PPFIA1: variants seen among roughly 807,000 people sequenced by gnomAD.
The protein encoded by PPFIA1 is PPFI scaffold protein A1.
Under a neutral mutation model 149.9 loss-of-function variants are expected in PPFIA1, and 25 were observed. That is an observed-to-expected ratio of 0.17 (90% CI 0.12 to 0.23). The LOEUF (loss-of-function observed/expected upper bound fraction) is 0.23, where lower values mean the gene tolerates loss of function less well. PPFIA1 is among the 10% of genes least tolerant of loss of function. PPFIA1 has a pLI of 1.00. For missense variants in PPFIA1, 1,362 were observed against 1,506.5 expected (o/e 0.90, Z 1.59); for synonymous variants, 549 against 552.8 (o/e 0.99, Z 0.10).
intron 18 of PPFIA1, 34 bp from the exon 19 acceptor site, chr11:70,356,127 A>AT (rs1461143192): frequency 6.6e-7 from 1 of 1,519,948 alleles, no homozygotes; most frequent in East Asian, 2.3e-5. Context: ...TGTCATGCTG[A>AT]TTTTTACTTC....
chr11:70,312,344 C>G (rs1260112757), intron 2 of PPFIA1, among the ~76,000 whole-genome samples: 1 of 151,906 alleles, frequency 6.6e-6, no homozygotes, highest in Non-Finnish European at 1.5e-5. Flanking sequence ...GTGCGCACCA[C>G]CACACCTGGA....
intron 2 of PPFIA1, among the ~76,000 whole-genome samples, chr11:70,294,491 C>T (rs532757366): frequency 4.6e-5 from 7 of 150,878 alleles, no homozygotes; most frequent in South Asian, 2.1e-4. Flanking sequence ...TTGAGTGTAA[C>T]GAGGCTTTGT....
intron 23 of PPFIA1, chr11:70,374,013 C>CT (rs1168016704): frequency 3.9e-5 from 6 of 152,182 alleles, no homozygotes; most frequent in African/African-American, 1.4e-4. Flanking sequence ...TGGTGATCAT[C>CT]TGCATATATT....
chr11:70,355,634 C>T lies in PPFIA1; in HGVS notation c.2316-5C>T, dbSNP rs200944487. On this transcript the variant is annotated splice_region_variant and splice_polypyrimidine_tract_variant and intron_variant, in intron 17 of 27. Coordinates refer to ENST00000253925, the MANE Select transcript of PPFIA1 (RefSeq NM_003626.5). ...ATAGTAAAGATCCGTTTTCTTTCCT[C>T]GAAGCTCCACAGGCTCCCAGGATGG... is the stretch of plus-strand genomic sequence containing the variant. 6.9e-6 allele frequency: 11 copies of T among 1,590,694 alleles called. No homozygotes were observed. The highest frequency in any genetic ancestry group is 1.1e-5 in the South Asian group (1 of 87,626).
chr11:70,356,277 A>G (rs2056358412), intron 19 of PPFIA1, 23 bp downstream of exon 19: 1 of 1,572,850 alleles, frequency 6.4e-7, no homozygotes, highest in African/African-American at 1.4e-5. Flanking sequence ...TTATTTCTTC[A>G]TCTCATTGAA....
intron 19 of PPFIA1, among the ~76,000 whole-genome samples, chr11:70,359,127 C>A (rs574217693): frequency 3.9e-5 from 6 of 152,298 alleles, no homozygotes; most frequent in African/African-American, 1.4e-4. Context: ...AAGGCCCTTG[C>A]ACCGTTGCCC....
chr11:70,362,446 C>T lies in PPFIA1; in HGVS notation c.2823C>T (p.Ile941=). 8.1e-6 allele frequency: 13 copies of T among 1,614,176 alleles called. No homozygotes were observed. Among genetic ancestry groups the T allele is most frequent in the Non-Finnish European group, 1.0e-5 (12 of 1,180,030 alleles). Residue 941 remains isoleucine (I), a synonymous_variant, in exon 21 of 28, where the codon ATC becomes ATT. Coordinates refer to ENST00000253925, the MANE Select transcript of PPFIA1 (RefSeq NM_003626.5). The part of the protein sequence containing the change: ...RLKLRLAIQE[I]MSLTSPSAPP... ...AGCTGAGGCTGGCCATCCAGGAGAT[C>T]ATGTCGCTGACCAGCCCGTCTGCCC...
At chr11:70,322,618 T>C (rs544639221) in intron 2 of PPFIA1, among the ~76,000 whole-genome samples, 118 of 152,356 alleles carry the variant, frequency 7.7e-4, no homozygotes, top group Non-Finnish European at 1.5e-3. Context: ...TTTGCAAGTA[T>C]GCACTGAAAT....
chr11:70,332,815 T>TG (rs2054748630), intron 9 of PPFIA1, among the ~76,000 whole-genome samples: 1 of 152,236 alleles, frequency 6.6e-6, no homozygotes. Flanking sequence ...TCTGTCGTCC[T>TG]GAGTCTTCTT....
chr11:70,355,843 C>G (rs755542850), intron 18 of PPFIA1, 32 bp downstream of exon 18: 14 of 1,583,854 alleles, frequency 8.8e-6, no homozygotes, highest in African/African-American at 6.8e-5. Flanking sequence ...TTCTCAGCAC[C>G]CAGGGGTCGG....
intron 2 of PPFIA1, among the ~76,000 whole-genome samples, chr11:70,279,868 C>A (rs977178712): frequency 8.2e-6 from 1 of 121,854 alleles, no homozygotes; most frequent in Admixed American, 8.3e-5. Context: ...GGACTACAGG[C>A]GTGAGCCACC....
At chr11:70,344,318 G>A (rs1411521630) in intron 15 of PPFIA1, among the ~76,000 whole-genome samples, 1 of 152,230 alleles carries the variant, frequency 6.6e-6, no homozygotes, top group Admixed American at 6.5e-5. Flanking sequence ...TGTGCACGGT[G>A]GTGGGCTGGG....
chr11:70,271,966 G>T, intron 1 of PPFIA1: 1 of 592,940 alleles, frequency 1.7e-6, no homozygotes, highest in African/African-American at 1.8e-5. Context: ...CTGGATTTTT[G>T]TCTGTGTTAA....
At chr11:70,365,163 G>T (rs1392398153) in intron 21 of PPFIA1, 1 of 212,556 alleles carries the variant, frequency 4.7e-6, no homozygotes, top group Non-Finnish European at 9.8e-6. Flanking sequence ...TAAAGCTCTC[G>T]TCATCGTGTG....
At chr11:70,295,022 C>T (rs991260564) in intron 2 of PPFIA1, among the ~76,000 whole-genome samples, 2 of 152,244 alleles carry the variant, frequency 1.3e-5, no homozygotes, top group African/African-American at 4.8e-5. Context: ...CTTTCTATTC[C>T]ACAAAACCGC....
intron 2 of PPFIA1, among the ~76,000 whole-genome samples, chr11:70,295,700 C>T (rs1227897411): frequency 1.4e-5 from 2 of 147,048 alleles, no homozygotes; most frequent in African/African-American, 5.0e-5. Context: ...CCCCCCCCAC[C>T]TCCCTCCCGG....
chr11:70,343,849 A>G lies in PPFIA1; in HGVS notation c.1888A>G (p.Met630Val). 5 of 1,614,156 alleles carry G rather than the reference A, an allele frequency of 3.1e-6. No homozygotes were observed. The highest frequency in any genetic ancestry group is 1.1e-5 in the South Asian group (1 of 91,080). Residue 630 changes from methionine (M) to valine (V), a missense_variant, in exon 15 of 28, where the codon ATG (methionine) becomes GTG (valine). By Grantham distance (21) the Met-to-Val change is conservative (BLOSUM62 1). Transcript: ENST00000253925. Reference sequence around the variant, plus strand: ...GCAGGCCGACGCGCACACACTAGCCATGATGCTTCAGGAGCAGCTGGACGC... The same window carrying G: ...GCAGGCCGACGCGCACACACTAGCCGTGATGCTTCAGGAGCAGCTGGACGC... ...SGQADAHTLA[M>V]MLQEQLDAIN...
intron 2 of PPFIA1, among the ~76,000 whole-genome samples, chr11:70,304,488 A>G (rs758972557): frequency 1.3e-5 from 2 of 152,172 alleles, no homozygotes; most frequent in South Asian, 2.1e-4. Flanking sequence ...TTTATAATAC[A>G]TGGGTAAATG....
At chr11:70,348,110 A>G in intron 15 of PPFIA1, 79 bp from the exon 16 acceptor site, 2 of 1,236,416 alleles carry the variant, frequency 1.6e-6, no homozygotes, top group Non-Finnish European at 2.4e-6. Context: ...AATACAGAGT[A>G]TAAGCATGGT....
Sources: allele counts gnomAD v4.1 joint callset (sites outside exome capture counted in the v4.1 genomes callset), GRCh38; gene constraint gnomAD v4.1.1; transcripts MANE v1.5; gene names NCBI Gene and HGNC (gene_info 2026-07-23, HGNC 2026-07-21).